The following SEMA3B variants were observed in gnomAD, a reference collection of about 807,000 sequenced individuals.
SEMA3B encodes semaphorin-3B.
SEMA3B carries 71 observed loss-of-function variants against 77.8 expected under a neutral mutation model. The ratio of observed to expected loss-of-function variants is 0.91; its 90% CI spans 0.75 to 1.11. The LOEUF (loss-of-function observed/expected upper bound fraction) is 1.11, where lower values mean the gene tolerates loss of function less well. Among genes scored for constraint, SEMA3B ranks in the 50% most tolerant of loss-of-function variants. The pLI, the probability that SEMA3B is intolerant of heterozygous loss-of-function variation, is 0.00. For missense variants in SEMA3B, 968 were observed against 1,056.8 expected, an observed-to-expected ratio of 0.92 and a Z score of 1.17; for synonymous variants, 470 against 452.9, an observed-to-expected ratio of 1.04 and a Z score of -0.48.
At position 50,275,558 on chromosome 3, in the gene SEMA3B, A is replaced by G. The variant is rs1194308816; in HGVS notation, c.1650-2A>G. The G allele has an allele frequency of 3.7e-6, 6 of 1,613,604 alleles. No homozygotes were observed. In the African/African-American group the frequency reaches 5.3e-5, roughly 14 times the overall value. On this transcript the variant is annotated splice_acceptor_variant, in intron 14 of 16. Coordinates refer to ENST00000616701, the MANE Select transcript of SEMA3B (RefSeq NM_001290060.2). LOFTEE classifies it high-confidence loss of function. This position sits in a 1 kb window ranked among gnomAD's most constrained non-coding sequence, Gnocchi z 7.5. ...TCACAGAAGATCGGATGTTCCCCAC[A>G]GGCGGTTCCGGCGGCAAGACGTAAG... is the stretch of plus-strand genomic sequence containing the variant.
upstream of SEMA3B, among the ~76,000 whole-genome samples, chr3:50,268,709 T>G (rs2109234145): frequency 6.6e-6 from 1 of 152,356 alleles, no homozygotes; most frequent in Non-Finnish European, 1.5e-5. Flanking sequence ...TCCAGAGGCC[T>G]GACCCCCTCC....
Position 50,276,963 on chromosome 3 carries a change from G to C in SEMA3B, c.*257G>C, listed in dbSNP as rs587598543. On this transcript the variant is annotated 3_prime_UTR_variant, in exon 17 of 17. Transcript: ENST00000616701. The surrounding 1 kb of genome is among the most constrained non-coding windows in gnomAD (Gnocchi z 5.8). ...GCCGGAGGGAAGGGACGGGGAAGCC[G>C]AGCTCCAGAGCAACGACCAGGGCCG... is the stretch of plus-strand genomic sequence containing the variant. 8.7e-6 allele frequency: 4 copies of C among 457,456 alleles called. No individual in the cohort carries two copies. The highest frequency in any genetic ancestry group is 1.1e-3 in the Middle Eastern group (2 of 1,788). The allele number at this position is 457,456 out of a possible 1,614,324, so 28.3% of individuals were successfully genotyped here.
In SEMA3B at chr3:50,269,469, TAGGATTAGTGGGCACTCTCAG is replaced by T; in HGVS notation, c.109+121_109+141del. 1 of 648,386 alleles carries T rather than the reference TAGGATTAGTGGGCACTCTCAG, an allele frequency of 1.5e-6. No individual in the cohort carries two copies. The allele number at this position is 648,386 out of a possible 1,614,324, so 40.2% of individuals were successfully genotyped here. On this transcript the variant is annotated intron_variant, in intron 1 of 16. Transcript: ENST00000616701. This position sits in a 1 kb window ranked among gnomAD's most constrained non-coding sequence, Gnocchi z 4.0. ...GTGCGTGCCTGTCACCAGACTCTGG[TAGGATTAGTGGGCACTCTCAG>T]GCCACCTCCAGTTAACCCTGTCCGG... is the stretch of plus-strand genomic sequence containing the variant.
upstream of SEMA3B, among the ~76,000 whole-genome samples, chr3:50,265,455 C>G (rs902479888): frequency 2.0e-5 from 3 of 152,028 alleles, no homozygotes; most frequent in African/African-American, 7.2e-5. Context: ...GGGGCAGGCC[C>G]AGCTGGTGGC....
Position 50,276,614 on chromosome 3 carries a change from C to T in SEMA3B, c.2158C>T (p.Pro720Ser), listed in dbSNP as rs782350569. 6 of 1,589,172 alleles carry T rather than the reference C, an allele frequency of 3.8e-6. No individual in the cohort carries two copies. The highest frequency in any genetic ancestry group is 1.3e-5 in the African/African-American group (1 of 74,298). The part of the protein sequence containing the change: ...CRPQPALQSL[P>S]LESRRKGRNR... ...CCCGCAGCCTGCGCTGCAGTCACTG[C>T]CCCTGGAGTCGCGGAGAAAGGGCCG... The change falls in exon 17 of 17, where the codon CCC (proline) becomes TCC (serine). Residue 720 changes from proline to serine, a missense_variant. Transcript: ENST00000616701. The surrounding 1 kb of genome is among the most constrained non-coding windows in gnomAD (Gnocchi z 5.8).
rs1012465826 is a variant in SEMA3B at position 50,273,215 on chromosome 3, T to G, written c.665-83T>G. The G allele has an allele frequency of 4.0e-6, 6 of 1,517,936 alleles. No homozygotes were observed. Among genetic ancestry groups the G allele is most frequent in the Non-Finnish European group, 5.3e-6 (6 of 1,128,756 alleles). The allele number at this position is 1,517,936 out of a possible 1,614,324, so 94.0% of individuals were successfully genotyped here. Reference sequence around the variant, plus strand: ...GTGATCCCGGGTGCTGTGCCCGCACTACGGGAAGGGGAAGCAGCGCGTGGG... The same window carrying G: ...GTGATCCCGGGTGCTGTGCCCGCACGACGGGAAGGGGAAGCAGCGCGTGGG... On this transcript the variant is annotated intron_variant, in intron 6 of 16. Coordinates refer to ENST00000616701, the MANE Select transcript of SEMA3B (RefSeq NM_001290060.2). The surrounding 1 kb of genome is among the most constrained non-coding windows in gnomAD (Gnocchi z 6.5).
At chr3:50,272,646 G>A (rs1005110555) in intron 6 of SEMA3B, among the ~76,000 whole-genome samples, 2 of 151,888 alleles carry the variant, frequency 1.3e-5, no homozygotes, top group Non-Finnish European at 2.9e-5. Flanking sequence ...AGGAGGCGGA[G>A]GTTGCAGTGA....
upstream of SEMA3B, among the ~76,000 whole-genome samples, chr3:50,268,601 G>A (rs587638933): frequency 9.2e-5 from 14 of 152,268 alleles, no homozygotes; most frequent in African/African-American, 3.4e-4. Context: ...ACATCACAAG[G>A]GGACACTCGG....
chr3:50,277,039 TAGTGAGC>T lies in SEMA3B; in HGVS notation c.*343_*349del, dbSNP rs1302761653. 4 of 330,712 alleles carry T rather than the reference TAGTGAGC, an allele frequency of 1.2e-5. No homozygotes were observed. Among genetic ancestry groups the T allele is most frequent in the African/African-American group, 6.5e-5 (3 of 46,500 alleles). 20.5% of individuals were successfully genotyped at this position (330,712 alleles called of 1,614,324 possible). The stretch of plus-strand genomic sequence containing the variant: ...GGGAGACAGACCCCACCTCCTTGGG[TAGTGAGC>T]AGTGAGCAGAAAGCTGTGAACAGGC... On this transcript the variant is annotated 3_prime_UTR_variant, in exon 17 of 17. Coordinates refer to ENST00000616701, the MANE Select transcript of SEMA3B (RefSeq NM_001290060.2).
At position 50,274,203 on chromosome 3, in the gene SEMA3B, C is replaced by A; in HGVS notation, c.1137+146C>A. The A allele has an allele frequency of 2.2e-6, 3 of 1,362,568 alleles. No individual in the cohort carries two copies. Among genetic ancestry groups the A allele is most frequent in the East Asian group, 4.7e-5 (2 of 42,350 alleles). The allele number at this position is 1,362,568 out of a possible 1,614,324, so 84.4% of individuals were successfully genotyped here. On this transcript the variant is annotated intron_variant, in intron 10 of 16. Coordinates refer to ENST00000616701, the MANE Select transcript of SEMA3B (RefSeq NM_001290060.2). This position sits in a 1 kb window ranked among gnomAD's most constrained non-coding sequence, Gnocchi z 4.7. ...CCATCATAAGACAAGGCTTGTTTCC[C>A]GCCTCTGACTTCCTAGGGCAAGGCT...
At position 50,273,813 on chromosome 3, in the gene SEMA3B, T is replaced by C; in HGVS notation, c.977T>C (p.Val326Ala). ...RDHRTPLLYA[V>A]FSTSSSIFQG... is the part of the protein sequence containing the mutation. ...CACCGGACCCCGCTGCTCTATGCCG[T>C]CTTCTCCACGTCCAGGTGAGGGGCA... Residue 326 changes from valine (V) to alanine (A), a missense_variant, in exon 9 of 17, where the codon GTC becomes GCC. Val to Ala is a moderately conservative substitution (Grantham distance 64, BLOSUM62 0). Coordinates refer to ENST00000616701, the MANE Select transcript of SEMA3B (RefSeq NM_001290060.2). The surrounding 1 kb of genome is among the most constrained non-coding windows in gnomAD (Gnocchi z 6.5). 1.9e-6 allele frequency: 3 copies of C among 1,582,622 alleles called. No individual in the cohort carries two copies. Among genetic ancestry groups the C allele is most frequent in the Non-Finnish European group, 2.6e-6 (3 of 1,165,130 alleles).
At position 50,276,555 on chromosome 3, in the gene SEMA3B, G is replaced by A; in HGVS notation, c.2099G>A (p.Gly700Glu). 1 of 1,539,280 alleles carries A rather than the reference G, an allele frequency of 6.5e-7. No homozygotes were observed. Among genetic ancestry groups the A allele is most frequent in the Non-Finnish European group, 8.7e-7 (1 of 1,147,304 alleles). Residue 700 changes from glycine (G) to glutamate (E), a missense_variant, in exon 17 of 17, where the codon GGA (glycine) becomes GAA (glutamate). Transcript: ENST00000616701. The surrounding 1 kb of genome is among the most constrained non-coding windows in gnomAD (Gnocchi z 5.8). ...TTTCTGCAGCTGGTGGAGCCGGGCG[G>A]AGGTGGCAGCGCGAACTCCCTGCGC... is the stretch of plus-strand genomic sequence containing the variant. ...RDFLQLVEPG[G>E]GGSANSLRMC...
In SEMA3B at chr3:50,270,871, A is replaced by G. The variant is rs1553705214; in HGVS notation, c.331-19A>G. The G allele has an allele frequency of 6.3e-7, 1 of 1,583,786 alleles. No individual in the cohort carries two copies. Among genetic ancestry groups the G allele is most frequent in the African/African-American group, 1.3e-5 (1 of 74,404 alleles). ...AGGCTACGTCCCTGGGGGAAGCCTC[A>G]CACCTCCAACCCTACTAGACTGAGT... On this transcript the variant is annotated intron_variant, in intron 3 of 16. Coordinates refer to ENST00000616701, the MANE Select transcript of SEMA3B (RefSeq NM_001290060.2). The surrounding 1 kb of genome is among the most constrained non-coding windows in gnomAD (Gnocchi z 4.7).
At position 50,276,087 on chromosome 3, in the gene SEMA3B, C is replaced by A. The variant is rs1293825924; in HGVS notation, c.1846-215C>A. Reference sequence around the variant, plus strand: ...CCCTCCCATTAAGGTCCCTGACCACCCCCCACCAAGTTCATGTAAACCCCG... The same window carrying A: ...CCCTCCCATTAAGGTCCCTGACCACACCCCACCAAGTTCATGTAAACCCCG... On this transcript the variant is annotated intron_variant, in intron 16 of 16. Coordinates refer to ENST00000616701, the MANE Select transcript of SEMA3B (RefSeq NM_001290060.2). The surrounding 1 kb of genome is among the most constrained non-coding windows in gnomAD (Gnocchi z 5.8). 29 of 785,818 alleles carry A rather than the reference C, an allele frequency of 3.7e-5. No individual in the cohort carries two copies. Among genetic ancestry groups the A allele is most frequent in the Non-Finnish European group, 5.4e-5 (28 of 515,762 alleles). The allele number at this position is 785,818 out of a possible 1,614,324, so 48.7% of individuals were successfully genotyped here.
upstream of SEMA3B, among the ~76,000 whole-genome samples, chr3:50,266,243 G>A (rs1700894780): frequency 6.6e-6 from 1 of 152,178 alleles, no homozygotes; most frequent in African/African-American, 2.4e-5. Context: ...TGCTTGCATG[G>A]AGCCAGGAGA....
chr3:50,265,199 A>T (rs1165921811), upstream of SEMA3B, among the ~76,000 whole-genome samples: 1 of 152,098 alleles, frequency 6.6e-6, no homozygotes, highest in Non-Finnish European at 1.5e-5. Context: ...TCAGGTGATG[A>T]TCCTATGGCC....
At position 50,275,089 on chromosome 3, in the gene SEMA3B, CT is replaced by C; in HGVS notation, c.1491+37del. The stretch of plus-strand genomic sequence containing the variant: ...AGGATGGGGGTCGGGGTGGGATGGA[CT>C]GAGCTTGTGCCTGGCGCGTCCCAAG... On this transcript the variant is annotated intron_variant, in intron 13 of 16. Transcript: ENST00000616701. The surrounding 1 kb of genome is among the most constrained non-coding windows in gnomAD (Gnocchi z 7.5). The C allele has an allele frequency of 6.4e-7, 1 of 1,550,962 alleles. No homozygotes were observed.
In SEMA3B at chr3:50,276,450, C is replaced by A; in HGVS notation, c.1994C>A (p.Ala665Asp). The change falls in exon 17 of 17, where the codon GCT becomes GAT. Residue 665 changes from alanine to aspartate, a missense_variant. By Grantham distance (126) the Ala-to-Asp change is moderately radical. Transcript: ENST00000616701. The surrounding 1 kb of genome is among the most constrained non-coding windows in gnomAD (Gnocchi z 5.8). ...LRRLSLHVLS[A>D]TQAERLARAE... ...CGCCTGTCGCTGCACGTGTTGAGTG[C>A]TACGCAGGCCGAACGACTGGCGCGG... is the stretch of plus-strand genomic sequence containing the variant. 6.5e-7 allele frequency: 1 copy of A among 1,534,216 alleles called. No individual in the cohort carries two copies. The highest frequency in any genetic ancestry group is 8.7e-7 in the Non-Finnish European group (1 of 1,144,766).
upstream of SEMA3B, among the ~76,000 whole-genome samples, chr3:50,268,144 G>C (rs1319336138): frequency 2.0e-5 from 3 of 152,202 alleles, no homozygotes; most frequent in Admixed American, 6.5e-5. Context: ...CCAGGAGGCT[G>C]GGGTGCAAAT....
Sources: allele counts gnomAD v4.1 joint callset (sites outside exome capture counted in the v4.1 genomes callset), GRCh38; gene constraint gnomAD v4.1.1; non-coding constraint Gnocchi (gnomAD v3.1); transcripts MANE v1.5; gene names NCBI Gene and HGNC (gene_info 2026-07-23, HGNC 2026-07-21).